Variants in TMEM182 observed in about 807,000 individuals in gnomAD.
The protein encoded by TMEM182 is transmembrane protein 182.
A neutral mutation model predicts 26.8 loss-of-function variants in TMEM182; 20 were observed. That is an observed-to-expected ratio of 0.75 (90% CI 0.53 to 1.09). The LOEUF is 1.09. Among genes scored for constraint, TMEM182 ranks in the 50% least tolerant of loss-of-function variants. TMEM182 has a pLI of 0.00. For synonymous variants in TMEM182, 109 were observed against 102.2 expected (o/e 1.07, Z -0.40); for missense variants, 277 against 275.5 (o/e 1.01, Z -0.04).
chr2:102,800,448 T>A (rs1682071019), intron 4 of TMEM182, among the ~76,000 whole-genome samples: 1 of 152,198 alleles, frequency 6.6e-6, no homozygotes, highest in Non-Finnish European at 1.5e-5. Flanking sequence ...TCCCTCTGCT[T>A]GAATTCATAA....
At chr2:102,821,953 A>C (rs542804801), downstream of TMEM182, among the ~76,000 whole-genome samples, 9 of 150,290 alleles carry the variant, frequency 6.0e-5, no homozygotes, top group Non-Finnish European at 8.8e-5. Context: ...GCTCCACTGC[A>C]CTCCAACCTG....
rs540388280 is a variant in TMEM182, at chr2:102,787,498, G to T, written c.332-10365G>T. Among the ~76,000 whole-genome samples, 566 of 152,298 alleles carry T rather than the reference G, an allele frequency of 3.7e-3. 2 individuals are homozygous for T. Among genetic ancestry groups the T allele is most frequent in the Admixed American group, 6.1e-3 (93 of 15,294 alleles). Reference sequence around the variant, plus strand: ...CCATCTTCAGATTCTCTCACACTTTGGGGGTTAGGGGTTCAACATATGAAT... The same window carrying T: ...CCATCTTCAGATTCTCTCACACTTTTGGGGTTAGGGGTTCAACATATGAAT... On this transcript the variant is annotated intron_variant, in intron 3 of 4. Coordinates refer to ENST00000412401, the MANE Select transcript of TMEM182 (RefSeq NM_144632.5).
At chr2:102,777,326 G>A (rs1188290127) in intron 3 of TMEM182, among the ~76,000 whole-genome samples, 1 of 151,984 alleles carries the variant, frequency 6.6e-6, no homozygotes, top group Admixed American at 6.6e-5. Context: ...TGTGAAAGGT[G>A]TAAGATCTGT....
chr2:102,780,830 T>C (rs948775351), intron 3 of TMEM182, among the ~76,000 whole-genome samples: 1 of 152,188 alleles, frequency 6.6e-6, no homozygotes, highest in Non-Finnish European at 1.5e-5. Context: ...TTGGTCAAAG[T>C]AGAGGGGTTA....
At chr2:102,838,827 C>A (rs1573583509) in intron 3 of TMEM182, among the ~76,000 whole-genome samples, 1 of 152,100 alleles carries the variant, frequency 6.6e-6, no homozygotes, top group African/African-American at 2.4e-5. Context: ...AGACCTCAAC[C>A]AAGCCATTGG....
chr2:102,771,339 G>A (rs1376271835), intron 3 of TMEM182, among the ~76,000 whole-genome samples: 1 of 152,180 alleles, frequency 6.6e-6, no homozygotes, highest in African/African-American at 2.4e-5. Flanking sequence ...AATAACAGCT[G>A]ACTTTCATCT....
At chr2:102,760,338 G>C (rs1202729772), upstream of TMEM182, among the ~76,000 whole-genome samples, 1 of 152,178 alleles carries the variant, frequency 6.6e-6, no homozygotes, top group African/African-American at 2.4e-5. Flanking sequence ...TGAAACTTGT[G>C]CTTCACAATC....
At chr2:102,791,931 A>G (rs1286288985) in intron 3 of TMEM182, among the ~76,000 whole-genome samples, 2 of 152,036 alleles carry the variant, frequency 1.3e-5, no homozygotes, top group Non-Finnish European at 2.9e-5. Context: ...GATCTAAGAG[A>G]TTGAAACAAT....
chr2:102,748,049 C>G (rs527263520), intron 1 of TMEM182, among the ~76,000 whole-genome samples: 47 of 152,314 alleles, frequency 3.1e-4, no homozygotes, highest in African/African-American at 1.1e-3. Flanking sequence ...AGGCCCATGC[C>G]CCTTCCATTT....
At chr2:102,760,979 T>C (rs1274207460), upstream of TMEM182, among the ~76,000 whole-genome samples, 1 of 152,074 alleles carries the variant, frequency 6.6e-6, no homozygotes, top group East Asian at 1.9e-4. Flanking sequence ...ATCTTTTTGT[T>C]CTCACAGAAT....
At chr2:102,818,258 C>A (rs1192499354), downstream of TMEM182, among the ~76,000 whole-genome samples, 1 of 152,078 alleles carries the variant, frequency 6.6e-6, no homozygotes, top group Non-Finnish European at 1.5e-5. Context: ...GAGACATTTC[C>A]TCAGTGATGA....
chr2:102,826,126 T>C (rs1229692271), intron 3 of TMEM182, among the ~76,000 whole-genome samples: 1 of 152,106 alleles, frequency 6.6e-6, no homozygotes, highest in Admixed American at 6.6e-5. Context: ...ACCATGGGTA[T>C]CTCATGGTGC....
downstream of TMEM182, among the ~76,000 whole-genome samples, chr2:102,819,212 C>A (rs1222648343): frequency 3.3e-5 from 5 of 152,190 alleles, no homozygotes; most frequent in African/African-American, 9.6e-5. Flanking sequence ...AAAAAATTTA[C>A]CAATGCTTAC....
chr2:102,839,419 T>C (rs1325219163), intron 3 of TMEM182, among the ~76,000 whole-genome samples: 1 of 145,724 alleles, frequency 6.9e-6, no homozygotes, highest in Admixed American at 7.0e-5. Context: ...TAATTATATA[T>C]ATTTATGGAG....
At chr2:102,756,734 C>T (rs1680049763) in intron 1 of TMEM182, among the ~76,000 whole-genome samples, 1 of 152,298 alleles carries the variant, frequency 6.6e-6, no homozygotes, top group East Asian at 1.9e-4. Context: ...AACGGAAACT[C>T]AGAGAGTTGA....
intron 3 of TMEM182, among the ~76,000 whole-genome samples, chr2:102,842,037 T>C (rs1426803902): frequency 6.6e-6 from 1 of 152,198 alleles, no homozygotes; most frequent in Non-Finnish European, 1.5e-5. Flanking sequence ...TTCATTATCG[T>C]TCTAATATTT....
intron 3 of TMEM182, among the ~76,000 whole-genome samples, chr2:102,786,145 T>A (rs751899412): frequency 6.6e-6 from 1 of 151,630 alleles, no homozygotes; most frequent in Non-Finnish European, 1.5e-5. Flanking sequence ...CTGGTGTTCT[T>A]GATTCATTTG....
At chr2:102,791,397 T>G (rs1681630475) in intron 3 of TMEM182, among the ~76,000 whole-genome samples, 1 of 152,266 alleles carries the variant, frequency 6.6e-6, no homozygotes, top group African/African-American at 2.4e-5. Flanking sequence ...AGTCTAGATC[T>G]ACTAGAATAA....
At chr2:102,834,453 C>T (rs375539484) in intron 3 of TMEM182, 263 of 985,098 alleles carry the variant, frequency 2.7e-4, no homozygotes, top group Admixed American at 3.1e-4. Flanking sequence ...AATGTAAAAA[C>T]GTCTGCCAGT....
Sources: gnomAD v4.1 joint callset for allele counts (sites outside exome capture counted in the v4.1 genomes callset) on GRCh38, gnomAD v4.1.1 for gene constraint, MANE v1.5 for transcripts, NCBI Gene and HGNC (gene_info 2026-07-23, HGNC 2026-07-21) for gene names.